BLTP3A: variants seen among roughly 807,000 people sequenced by gnomAD.
BLTP3A encodes the protein bridge-like lipid transfer protein family member 3A.
At chr6:34,835,024 T>C in the BLTP3A span, among the ~76,000 whole-genome samples, 1 of 152,234 alleles carries the variant, frequency 6.6e-6, no homozygotes, top group African/African-American at 2.4e-5. Context: ...AGTAATAGAA[T>C]GTTTCCACCT....
chr6:34,865,891 C>T, the BLTP3A span, among the ~76,000 whole-genome samples: 3 of 152,240 alleles, frequency 2.0e-5, no homozygotes, highest in African/African-American at 4.8e-5. Flanking sequence ...AACCCTCATA[C>T]ACCCATTACC....
the BLTP3A span, among the ~76,000 whole-genome samples, chr6:34,839,496 G>A: frequency 6.6e-6 from 1 of 152,308 alleles, no homozygotes; most frequent in Admixed American, 6.5e-5. Flanking sequence ...GAGATGTTCT[G>A]TAAATGTAAA....
the BLTP3A span, among the ~76,000 whole-genome samples, chr6:34,841,770 A>G: frequency 1.3e-5 from 2 of 152,226 alleles, no homozygotes; most frequent in African/African-American, 4.8e-5. Context: ...ACTGGATGGC[A>G]AAGATAGAAA....
At chr6:34,838,847 G>A in the BLTP3A span, among the ~76,000 whole-genome samples, 79 of 152,288 alleles carry the variant, frequency 5.2e-4, no homozygotes, top group Admixed American at 9.2e-4. Flanking sequence ...AGACTGAAGC[G>A]GGAGGATCGC....
the BLTP3A span, among the ~76,000 whole-genome samples, chr6:34,812,328 T>TAAAA: frequency 7.1e-6 from 1 of 140,638 alleles, no homozygotes; most frequent in Non-Finnish European, 1.6e-5. Context: ...AACTCCGTCT[T>TAAAA]AAAAAAAAAA....
At chr6:34,799,490 G>GA in the BLTP3A span, among the ~76,000 whole-genome samples, 68 of 104,788 alleles carry the variant, frequency 6.5e-4, no homozygotes, top group East Asian at 3.5e-3. Context: ...ACCCTGTCTG[G>GA]GAAAAAAAAA....
the BLTP3A span, among the ~76,000 whole-genome samples, chr6:34,798,876 A>T: frequency 6.6e-6 from 1 of 152,276 alleles, no homozygotes; most frequent in South Asian, 2.1e-4. Flanking sequence ...ATTAAGAGAA[A>T]GGAGGGGCTA....
At chr6:34,867,986 A>G in the BLTP3A span, among the ~76,000 whole-genome samples, 1 of 152,212 alleles carries the variant, frequency 6.6e-6, no homozygotes, top group Non-Finnish European at 1.5e-5. Flanking sequence ...ATGACAAGAA[A>G]AATCTTGGCT....
the BLTP3A span, chr6:34,792,214 C>G: frequency 6.5e-7 from 1 of 1,530,184 alleles, no homozygotes; most frequent in Non-Finnish European, 8.8e-7. Flanking sequence ...CCACAGCTGC[C>G]GGCCCACCCG....
chr6:34,843,038 T>C, the BLTP3A span, among the ~76,000 whole-genome samples: 1 of 152,286 alleles, frequency 6.6e-6, no homozygotes, highest in East Asian at 1.9e-4. Flanking sequence ...GTCTGGAGTG[T>C]CATGGCATGA....
chr6:34,831,028 A>G, the BLTP3A span, among the ~76,000 whole-genome samples: 9 of 152,062 alleles, frequency 5.9e-5, no homozygotes, highest in Admixed American at 5.2e-4. Flanking sequence ...ATTAATTTGT[A>G]GAAGTTCTTT....
the BLTP3A span, among the ~76,000 whole-genome samples, chr6:34,843,652 G>T: frequency 6.6e-6 from 1 of 152,078 alleles, no homozygotes; most frequent in South Asian, 2.1e-4. Context: ...AATTATTGTT[G>T]ACTTAGGTTG....
At chr6:34,857,848 C>A in the BLTP3A span, 1 of 1,614,042 alleles carries the variant, frequency 6.2e-7, no homozygotes, top group Non-Finnish European at 8.5e-7. Context: ...TCAAAGCTAT[C>A]TACAAGCTGG....
the BLTP3A span, chr6:34,876,808 A>G: frequency 6.6e-6 from 1 of 152,162 alleles, no homozygotes; most frequent in Admixed American, 6.6e-5. Flanking sequence ...GGTAGTAGCT[A>G]TTGAACGGGG....
chr6:34,842,795 A>G, the BLTP3A span, among the ~76,000 whole-genome samples: 1 of 152,186 alleles, frequency 6.6e-6, no homozygotes, highest in African/African-American at 2.4e-5. Flanking sequence ...AACTATGACA[A>G]GTAGATGGCT....
At chr6:34,834,359 CAG>C in the BLTP3A span, 7 of 1,613,896 alleles carry the variant, frequency 4.3e-6, no homozygotes, top group Non-Finnish European at 5.9e-6. Flanking sequence ...CAACTGGCAG[CAG>C]AGTGACCTTC....
At chr6:34,872,479 C>T in the BLTP3A span, 1 of 1,581,998 alleles carries the variant, frequency 6.3e-7, no homozygotes, top group African/African-American at 1.4e-5. Flanking sequence ...GAGAGGCTAT[C>T]ACCAGCAATA....
chr6:34,864,168 A>G, the BLTP3A span: 1 of 1,614,080 alleles, frequency 6.2e-7, no homozygotes, highest in Non-Finnish European at 8.5e-7. Flanking sequence ...CAGTGATGGC[A>G]GTGATAGCTT....
At chr6:34,825,851 A>G in the BLTP3A span, among the ~76,000 whole-genome samples, 4 of 152,088 alleles carry the variant, frequency 2.6e-5, no homozygotes, top group African/African-American at 9.7e-5. Context: ...TTTTTTGACT[A>G]TTATGAATAA....
Sources: allele counts gnomAD v4.1 joint callset (sites outside exome capture counted in the v4.1 genomes callset), GRCh38; gene constraint gnomAD v4.1.1; transcripts MANE v1.5; gene names NCBI Gene and HGNC (gene_info 2026-07-23, HGNC 2026-07-21).